Variants in TSPAN18 observed in about 807,000 individuals in gnomAD.
TSPAN18 encodes the protein tetraspanin-18.
In TSPAN18, 14 loss-of-function variants were observed where a neutral mutation model predicts 27.3. The ratio of observed to expected loss-of-function variants is 0.51; its 90% CI spans 0.34 to 0.80. The LOEUF is 0.80. Among genes scored for constraint, TSPAN18 ranks in the 30% least tolerant of loss-of-function variants. The probability of loss-of-function intolerance (pLI) is 0.01; values close to 1 mark genes in which losing one functional copy is unlikely to be tolerated. For synonymous variants in TSPAN18, 143 were observed against 136.5 expected (o/e 1.05, Z -0.33); for missense variants, 268 against 323.9 (o/e 0.83, Z 1.32).
In TSPAN18 at chr11:44,758,666, T is replaced by G. The variant is rs142048380; in HGVS notation, c.-239-5760T>G. Reference sequence around the variant, plus strand: ...TAGGCTGGGTACTGTGGGAATCATTTGCAGTCTATTAGCTCATCCAATCCC... The same window carrying G: ...TAGGCTGGGTACTGTGGGAATCATTGGCAGTCTATTAGCTCATCCAATCCC... On this transcript the variant is annotated intron_variant, in intron 1 of 9. Coordinates refer to ENST00000520358, the MANE Select transcript of TSPAN18 (RefSeq NM_130783.5). Among the ~76,000 whole-genome samples, 381 of 152,286 alleles carry G rather than the reference T, an allele frequency of 2.5e-3. 3 individuals are homozygous for G. The highest frequency in any genetic ancestry group is 8.8e-3 in the African/African-American group (365 of 41,552).
At chr11:44,910,231 C>T (rs1859658684) in intron 5 of TSPAN18, among the ~76,000 whole-genome samples, 1 of 152,240 alleles carries the variant, frequency 6.6e-6, no homozygotes, top group Admixed American at 6.5e-5. Context: ...CCTGGGGTAG[C>T]CCTTCCTCTC....
At chr11:44,799,818 A>G (rs962075554) in intron 2 of TSPAN18, among the ~76,000 whole-genome samples, 3 of 152,132 alleles carry the variant, frequency 2.0e-5, no homozygotes, top group Admixed American at 6.5e-5. Context: ...TGCATTTATT[A>G]GAATGCTTGG....
intron 2 of TSPAN18, among the ~76,000 whole-genome samples, chr11:44,821,127 G>A (rs12365757): frequency 0.18 from 27,948 of 152,112 alleles, 2,800 homozygotes; most frequent in South Asian, 0.38. Context: ...CAGAAAGATA[G>A]ATGAGGCGGC....
chr11:44,870,035 C>A (rs1033640915), intron 3 of TSPAN18, among the ~76,000 whole-genome samples: 1 of 152,224 alleles, frequency 6.6e-6, no homozygotes, highest in Non-Finnish European at 1.5e-5. Flanking sequence ...CCCTACCATA[C>A]CTTTCTGCAA....
At chr11:44,800,820 A>C (rs778718413) in intron 2 of TSPAN18, among the ~76,000 whole-genome samples, 5 of 152,136 alleles carry the variant, frequency 3.3e-5, no homozygotes, top group Admixed American at 6.5e-5. Flanking sequence ...GCTAATTGCA[A>C]AGCTTCCTTC....
At chr11:44,788,592 G>A (rs1856117941) in intron 2 of TSPAN18, among the ~76,000 whole-genome samples, 1 of 151,818 alleles carries the variant, frequency 6.6e-6, no homozygotes, top group Non-Finnish European at 1.5e-5. Context: ...GGAGTAGCTG[G>A]GATTACAGGC....
intron 3 of TSPAN18, among the ~76,000 whole-genome samples, chr11:44,862,946 C>T (rs1331938187): frequency 2.0e-5 from 3 of 152,142 alleles, no homozygotes; most frequent in Non-Finnish European, 2.9e-5. Context: ...CTGGAGTGTG[C>T]ACCTGTTAAT....
chr11:44,808,009 G>A (rs1168906193), intron 2 of TSPAN18, among the ~76,000 whole-genome samples: 1 of 152,204 alleles, frequency 6.6e-6, no homozygotes, highest in East Asian at 1.9e-4. Flanking sequence ...ACCCTGGGGT[G>A]CGGTCTCAGG....
chr11:44,922,970 G>C (rs532928075), intron 8 of TSPAN18, among the ~76,000 whole-genome samples: 1 of 152,164 alleles, frequency 6.6e-6, no homozygotes, highest in Admixed American at 6.5e-5. Flanking sequence ...TTAGCCTGGC[G>C]TGGTGGCATG....
In TSPAN18 at chr11:44,810,608, T is replaced by C. The variant is rs1006210482; in HGVS notation, c.-153+46096T>C. Among the ~76,000 whole-genome samples, 4 of 151,052 alleles carry C rather than the reference T, an allele frequency of 2.6e-5. No individual in the cohort carries two copies. The Middle Eastern group carries it at 0.01, about 385-fold the overall frequency. The stretch of plus-strand genomic sequence containing the variant: ...CACCTGTTTTCAATTTTTTTTCTTT[T>C]TTTTTTTTTTTGAGACAGGGTCTCA... On this transcript the variant is annotated intron_variant, in intron 2 of 9. Coordinates refer to ENST00000520358, the MANE Select transcript of TSPAN18 (RefSeq NM_130783.5).
intron 2 of TSPAN18, among the ~76,000 whole-genome samples, chr11:44,825,735 C>A (rs1258436150): frequency 6.6e-6 from 1 of 152,182 alleles, no homozygotes; most frequent in African/African-American, 2.4e-5. Context: ...GGGTTTTGTA[C>A]ACCCAGGGCC....
intron 2 of TSPAN18, among the ~76,000 whole-genome samples, chr11:44,797,279 G>A (rs964285978): frequency 4.6e-5 from 7 of 152,302 alleles, no homozygotes; most frequent in Non-Finnish European, 7.4e-5. Context: ...TAAAAGTCAC[G>A]TGGCCAGTGA....
Position 44,918,051 on chromosome 11 carries a change from G to C in TSPAN18, c.333+5G>C. On this transcript the variant is annotated splice_donor_5th_base_variant and intron_variant, in intron 6 of 9. Coordinates refer to ENST00000520358, the MANE Select transcript of TSPAN18 (RefSeq NM_130783.5). ...GCCTTCATCTTCAGGGAAAATGTAC[G>C]TATCAGGCCCCAAGCTTTCCTGCCT... The C allele has an allele frequency of 6.2e-7, 1 of 1,613,854 alleles. No individual in the cohort carries two copies. Among genetic ancestry groups the C allele is most frequent in the Non-Finnish European group, 8.5e-7 (1 of 1,179,962 alleles).
chr11:44,835,414 C>G (rs1364062183), intron 2 of TSPAN18, among the ~76,000 whole-genome samples: 1 of 152,194 alleles, frequency 6.6e-6, no homozygotes, highest in East Asian at 1.9e-4. Flanking sequence ...ATACATAGTT[C>G]TTTGGAATTT....
chr11:44,814,289 A>C (rs1276274448), intron 2 of TSPAN18, among the ~76,000 whole-genome samples: 1 of 152,122 alleles, frequency 6.6e-6, no homozygotes, highest in Non-Finnish European at 1.5e-5. Context: ...TTCTTGGAAG[A>C]AAGAATATTT....
chr11:44,910,049 G>A, intron 5 of TSPAN18, 150 bp downstream of exon 5: 1 of 908,472 alleles, frequency 1.1e-6, no homozygotes, highest in Non-Finnish European at 1.6e-6. Context: ...ATGGAGATGA[G>A]CACGTCTGAC....
intron 2 of TSPAN18, among the ~76,000 whole-genome samples, chr11:44,779,960 C>G (rs769955349): frequency 1.3e-5 from 2 of 152,212 alleles, no homozygotes; most frequent in Non-Finnish European, 2.9e-5. Flanking sequence ...CATACCTACC[C>G]GCATCCCTGT....
At chr11:44,731,124 G>A (rs374079673) in intron 1 of TSPAN18, among the ~76,000 whole-genome samples, 1 of 152,290 alleles carries the variant, frequency 6.6e-6, no homozygotes, top group South Asian at 2.1e-4. Context: ...GTGGGCAAGT[G>A]TGTACAAAAG....
At chr11:44,850,929 AG>A (rs764105469) in intron 2 of TSPAN18, among the ~76,000 whole-genome samples, 1 of 152,178 alleles carries the variant, frequency 6.6e-6, no homozygotes, top group Non-Finnish European at 1.5e-5. Context: ...CCAGGGTTAA[AG>A]ATGGTGGAAT....
Sources: gnomAD v4.1 joint callset for allele counts (sites outside exome capture counted in the v4.1 genomes callset) on GRCh38, gnomAD v4.1.1 for gene constraint, MANE v1.5 for transcripts, NCBI Gene and HGNC (gene_info 2026-07-23, HGNC 2026-07-21) for gene names.